KLHL1: variants seen among roughly 807,000 people sequenced by gnomAD.
KLHL1 encodes kelch-like protein 1.
A neutral mutation model predicts 77.7 loss-of-function variants in KLHL1; 47 were observed. The ratio of observed to expected loss-of-function variants is 0.60; its 90% CI spans 0.48 to 0.77. KLHL1 has a LOEUF of 0.77. Ranked by LOEUF, KLHL1 falls within the 30% of genes least tolerant of loss-of-function variation. The pLI is 0.00. For synonymous variants in KLHL1, 360 were observed against 325.2 expected, an observed-to-expected ratio of 1.11 and a Z score of -1.15; for missense variants, 925 against 910.8, an observed-to-expected ratio of 1.02 and a Z score of -0.20.
intron 1 of KLHL1, among the ~76,000 whole-genome samples, chr13:70,070,116 C>T (rs9542172): frequency 0.13 from 19,877 of 149,810 alleles, 1,524 homozygotes; most frequent in Non-Finnish European, 0.15. Flanking sequence ...TGCAGGGAGC[C>T]GAGTCCAGCC....
At chr13:69,991,355 C>G (rs1885023634) in intron 1 of KLHL1, among the ~76,000 whole-genome samples, 1 of 151,492 alleles carries the variant, frequency 6.6e-6, no homozygotes, top group African/African-American at 2.4e-5. Context: ...CACAAAAGAA[C>G]AGATCTAGGA....
At chr13:69,774,869 C>G (rs752098395) in intron 7 of KLHL1, among the ~76,000 whole-genome samples, 6 of 152,096 alleles carry the variant, frequency 3.9e-5, no homozygotes, top group Non-Finnish European at 8.8e-5. Context: ...TCTATTTGAA[C>G]TTCTACATTG....
chr13:70,089,666 C>T (rs914002237), intron 1 of KLHL1, among the ~76,000 whole-genome samples: 1 of 152,022 alleles, frequency 6.6e-6, no homozygotes, highest in Admixed American at 6.6e-5. Flanking sequence ...GAAGTGTTAA[C>T]ATAAATCTAG....
At chr13:70,022,307 G>T (rs1885824242) in intron 1 of KLHL1, among the ~76,000 whole-genome samples, 1 of 144,010 alleles carries the variant, frequency 6.9e-6, no homozygotes, top group Non-Finnish European at 1.5e-5. Flanking sequence ...GTGTGTGTAT[G>T]TGTTTGGTTG....
chr13:69,901,801 T>C (rs1434143236), intron 4 of KLHL1, among the ~76,000 whole-genome samples: 1 of 147,454 alleles, frequency 6.8e-6, no homozygotes, highest in Admixed American at 6.8e-5. Context: ...TTTTCTTTTT[T>C]TTTTTTTTTT....
At chr13:69,856,563 G>A (rs1221062961) in intron 5 of KLHL1, among the ~76,000 whole-genome samples, 6 of 151,974 alleles carry the variant, frequency 3.9e-5, no homozygotes, top group Non-Finnish European at 7.4e-5. Context: ...CCCTTCTCAC[G>A]TGAGTGGATA....
chr13:69,729,062 G>GC (rs996211857), intron 8 of KLHL1, among the ~76,000 whole-genome samples: 5 of 152,074 alleles, frequency 3.3e-5, no homozygotes, highest in African/African-American at 1.2e-4. Context: ...AAAGAACCAA[G>GC]CCAAGACAGC....
At chr13:69,946,407 C>T (rs1000180371) in intron 3 of KLHL1, among the ~76,000 whole-genome samples, 4 of 152,008 alleles carry the variant, frequency 2.6e-5, no homozygotes, top group African/African-American at 7.2e-5. Flanking sequence ...TTTGAGTTGA[C>T]AAGTAGATAG....
intron 9 of KLHL1, among the ~76,000 whole-genome samples, chr13:69,709,061 G>T (rs1379097287): frequency 6.6e-6 from 1 of 151,980 alleles, no homozygotes; most frequent in Non-Finnish European, 1.5e-5. Context: ...ACTGTGGTTG[G>T]GGGGTTTGTG....
intron 1 of KLHL1, among the ~76,000 whole-genome samples, chr13:70,043,972 C>T (rs1157158968): frequency 6.6e-6 from 1 of 152,220 alleles, no homozygotes; most frequent in Non-Finnish European, 1.5e-5. Flanking sequence ...AATTCTTACT[C>T]ATGCTCACAA....
At chr13:69,707,575 A>G in intron 10 of KLHL1, 50 bp downstream of exon 10, 1 of 1,541,854 alleles carries the variant, frequency 6.5e-7, no homozygotes, top group Non-Finnish European at 8.8e-7. Context: ...CAGAAAGTAA[A>G]TGAAATAAAT....
intron 4 of KLHL1, among the ~76,000 whole-genome samples, chr13:69,928,661 TAAATC>T (rs1413463090): frequency 6.6e-6 from 1 of 152,188 alleles, no homozygotes. Flanking sequence ...CTAAGGGAAA[TAAATC>T]AAATCTCACA....
intron 9 of KLHL1, among the ~76,000 whole-genome samples, chr13:69,715,764 C>T (rs1876093958): frequency 6.6e-6 from 1 of 152,010 alleles, no homozygotes; most frequent in African/African-American, 2.4e-5. Flanking sequence ...TGACTCTGCA[C>T]TCATGCAGCT....
chr13:70,104,130 CA>C (rs1388419318), intron 1 of KLHL1, among the ~76,000 whole-genome samples: 1 of 152,066 alleles, frequency 6.6e-6, no homozygotes, highest in African/African-American at 2.4e-5. Context: ...GAAATATCCA[CA>C]ACAAAAATAT....
chr13:69,985,819 T>TGA (rs1566474119), intron 1 of KLHL1, among the ~76,000 whole-genome samples: 1 of 146,552 alleles, frequency 6.8e-6, no homozygotes, highest in Non-Finnish European at 1.5e-5. Context: ...ATATTATATA[T>TGA]TATATATATA....
At chr13:69,726,386 C>T (rs1484060693) in intron 8 of KLHL1, among the ~76,000 whole-genome samples, 1 of 152,238 alleles carries the variant, frequency 6.6e-6, no homozygotes, top group Non-Finnish European at 1.5e-5. Context: ...GAAAGCCTGT[C>T]AATCCTGCTG....
In KLHL1 at chr13:69,701,603, C is replaced by A. The variant is rs888284014; in HGVS notation, c.*99G>T. ...AGGTAACGCTACAGAGATCCTTGTT[C>A]TTGAAGAGTTTTCATCTCTGGAAGT... On this transcript the variant is annotated 3_prime_UTR_variant, in exon 11 of 11. Coordinates refer to ENST00000377844, the MANE Select transcript of KLHL1 (RefSeq NM_020866.3). 2 of 800,708 alleles carry A rather than the reference C, an allele frequency of 2.5e-6. No individual in the cohort carries two copies. The highest frequency in any genetic ancestry group is 4.2e-6 in the Non-Finnish European group (2 of 478,600). 49.6% of individuals were successfully genotyped at this position (800,708 alleles called of 1,614,324 possible).
At chr13:70,057,469 C>CAAAAAAAAAAA (rs56235725) in intron 1 of KLHL1, among the ~76,000 whole-genome samples, 1 of 87,110 alleles carries the variant, frequency 1.1e-5, no homozygotes, top group African/African-American at 4.6e-5. Context: ...AAAGACACAT[C>CAAAAAAAAAAA]AAAAAAAAAA....
chr13:69,911,114 T>C (rs968422188), intron 4 of KLHL1, among the ~76,000 whole-genome samples: 1 of 151,988 alleles, frequency 6.6e-6, no homozygotes, highest in Non-Finnish European at 1.5e-5. Flanking sequence ...TCTGTCTTTC[T>C]CTCTCTCTCT....
Sources: gnomAD v4.1 joint callset for allele counts (sites outside exome capture counted in the v4.1 genomes callset) on GRCh38, gnomAD v4.1.1 for gene constraint, MANE v1.5 for transcripts, NCBI Gene and HGNC (gene_info 2026-07-23, HGNC 2026-07-21) for gene names.